Variants in PRDM6 observed in about 807,000 individuals in gnomAD.
PRDM6 encodes putative histone-lysine N-methyltransferase PRDM6.
A neutral mutation model predicts 60.8 loss-of-function variants in PRDM6; 25 were observed. The ratio of observed to expected loss-of-function variants is 0.41; its 90% CI spans 0.30 to 0.57. PRDM6 has a LOEUF of 0.57. Among genes scored for constraint, PRDM6 ranks in the 20% least tolerant of loss-of-function variants. The probability of loss-of-function intolerance (pLI) is 0.27; values close to 1 mark genes in which losing one functional copy is unlikely to be tolerated. For synonymous variants in PRDM6, 407 were observed against 357.4 expected (o/e 1.14, Z -1.57); for missense variants, 839 against 821.3 (o/e 1.02, Z -0.26).
intron 3 of PRDM6, among the ~76,000 whole-genome samples, chr5:123,139,300 G>T (rs912012092): frequency 1.3e-5 from 2 of 151,962 alleles, no homozygotes; most frequent in African/African-American, 2.4e-5. Flanking sequence ...ACAAGAAAAA[G>T]AATTTATTAT....
At chr5:123,169,274 G>T (rs1387890546) in intron 5 of PRDM6, among the ~76,000 whole-genome samples, 1 of 152,116 alleles carries the variant, frequency 6.6e-6, no homozygotes, top group African/African-American at 2.4e-5. Context: ...CCTATGAAAT[G>T]ACCAGCAAAT....
At chr5:123,113,204 T>C (rs1764357243) in intron 3 of PRDM6, among the ~76,000 whole-genome samples, 1 of 152,224 alleles carries the variant, frequency 6.6e-6, no homozygotes, top group East Asian at 1.9e-4. Context: ...GTCCAGCGTT[T>C]ACATTATGGT....
At chr5:123,182,786 C>T (rs576271892) in intron 7 of PRDM6, among the ~76,000 whole-genome samples, 1 of 152,174 alleles carries the variant, frequency 6.6e-6, no homozygotes, top group Admixed American at 6.5e-5. Context: ...TCTGTTCCTA[C>T]TTTTATCTAG....
chr5:123,099,638 T>C lies in PRDM6; in HGVS notation c.593-16T>C, dbSNP rs1203915427. The C allele has an allele frequency of 3.5e-6, 5 of 1,446,388 alleles. No individual in the cohort carries two copies. The East Asian group carries it at 1.1e-4, about 30-fold the overall frequency. 89.6% of individuals were successfully genotyped at this position (1,446,388 alleles called of 1,614,324 possible). A position where few individuals can be genotyped will look rare whatever the true frequency, so the allele number is the denominator to read the frequency against. On this transcript the variant is annotated splice_polypyrimidine_tract_variant and intron_variant, in intron 2 of 7. Transcript: ENST00000407847. This position sits in a 1 kb window ranked among gnomAD's most constrained non-coding sequence, Gnocchi z 4.0. ...TTAACCCGCTCCCTTCCCTTCCTCC[T>C]TCTTGTCTCCCGCAGGTTGCGACAT...
chr5:123,117,724 G>A (rs457807), intron 3 of PRDM6, among the ~76,000 whole-genome samples: 143,155 of 152,290 alleles, frequency 0.94, 67,291 homozygotes, highest in East Asian at 0.99. Context: ...GCAAAGAGCA[G>A]CCACGGAGTG....
chr5:123,117,333 T>G (rs1433354574), intron 3 of PRDM6, among the ~76,000 whole-genome samples: 1 of 152,134 alleles, frequency 6.6e-6, no homozygotes, highest in Non-Finnish European at 1.5e-5. Context: ...CTAGGGAGCT[T>G]ATGGCTAAAG....
At chr5:123,170,606 G>C (rs927733554) in intron 5 of PRDM6, among the ~76,000 whole-genome samples, 160 bp from the exon 6 acceptor site, 1 of 152,214 alleles carries the variant, frequency 6.6e-6, no homozygotes, top group Non-Finnish European at 1.5e-5. Context: ...TGTGATAATA[G>C]TTTTTTCCCC....
At chr5:123,167,093 A>C (rs72787562) in intron 5 of PRDM6, among the ~76,000 whole-genome samples, 1 of 151,996 alleles carries the variant, frequency 6.6e-6, no homozygotes, top group Admixed American at 6.6e-5. Flanking sequence ...ATATTTAGGA[A>C]GAATAATCTT....
intron 3 of PRDM6, among the ~76,000 whole-genome samples, chr5:123,148,581 G>C (rs2126867231): frequency 6.7e-6 from 1 of 149,552 alleles, no homozygotes; most frequent in South Asian, 2.1e-4. Flanking sequence ...CATATTCACG[G>C]TCTTATGCAT....
At chr5:123,110,803 G>C (rs1764295973) in intron 3 of PRDM6, among the ~76,000 whole-genome samples, 1 of 151,954 alleles carries the variant, frequency 6.6e-6, no homozygotes, top group Non-Finnish European at 1.5e-5. Context: ...CGACCTCAGT[G>C]ATCTGCCCGC....
At chr5:123,144,753 G>A (rs965339586) in intron 3 of PRDM6, among the ~76,000 whole-genome samples, 3 of 152,080 alleles carry the variant, frequency 2.0e-5, no homozygotes, top group Admixed American at 2.0e-4. Context: ...AACCATTTAG[G>A]CAAGGCATAC....
At chr5:123,161,236 A>G (rs1765623846) in intron 5 of PRDM6, among the ~76,000 whole-genome samples, 1 of 152,164 alleles carries the variant, frequency 6.6e-6, no homozygotes, top group Admixed American at 6.5e-5. Context: ...ACATTTATTC[A>G]TTCATTGTTC....
intron 5 of PRDM6, among the ~76,000 whole-genome samples, chr5:123,160,416 T>C (rs1765600626): frequency 6.6e-6 from 1 of 152,244 alleles, no homozygotes; most frequent in African/African-American, 2.4e-5. Context: ...CTGGTTTCAG[T>C]GATATTGTGT....
chr5:123,135,838 A>T (rs1764939674), intron 3 of PRDM6, among the ~76,000 whole-genome samples: 2 of 152,206 alleles, frequency 1.3e-5, no homozygotes, highest in Non-Finnish European at 2.9e-5. Context: ...TGATACACAA[A>T]TATTAAAATA....
rs117326528 is a variant in PRDM6 at position 123,164,178 on chromosome 5, A to G, written c.1153+4540A>G. Among the ~76,000 whole-genome samples the G allele has an allele frequency of 4.9e-4, 75 of 152,284 alleles. No homozygotes were observed. In the East Asian group the frequency reaches 0.013, roughly 26 times the overall value. On this transcript the variant is annotated intron_variant, in intron 5 of 7. Transcript: ENST00000407847. ...CAAGAGAACACATAAGCACATAACCACAATATCAAACACTGTGCAGATGCT... is the reference window on the plus strand; with the variant it reads ...CAAGAGAACACATAAGCACATAACCGCAATATCAAACACTGTGCAGATGCT...
chr5:123,147,107 C>T (rs970066411), intron 3 of PRDM6, among the ~76,000 whole-genome samples: 5 of 151,922 alleles, frequency 3.3e-5, no homozygotes, highest in East Asian at 1.9e-4. Flanking sequence ...AATAAGTTTT[C>T]GCAGGATCCA....
intron 3 of PRDM6, among the ~76,000 whole-genome samples, chr5:123,122,307 A>G (rs899866932): frequency 7.9e-5 from 12 of 152,186 alleles, no homozygotes; most frequent in African/African-American, 2.7e-4. Flanking sequence ...TGAGAACCTC[A>G]GTACAAAGGA....
intron 6 of PRDM6, among the ~76,000 whole-genome samples, chr5:123,178,123 G>T (rs560763454): frequency 9.3e-4 from 141 of 152,074 alleles, no homozygotes; most frequent in African/African-American, 3.1e-3. Context: ...TTACCACCGT[G>T]AACTATTAAC....
intron 3 of PRDM6, among the ~76,000 whole-genome samples, chr5:123,104,548 T>C (rs1333500974): frequency 6.6e-6 from 1 of 152,178 alleles, no homozygotes; most frequent in African/African-American, 2.4e-5. Context: ...GTCGCAGTTA[T>C]ATTGAAGTAA....
Sources: allele counts gnomAD v4.1 joint callset (sites outside exome capture counted in the v4.1 genomes callset), GRCh38; gene constraint gnomAD v4.1.1; non-coding constraint Gnocchi (gnomAD v3.1); transcripts MANE v1.5; gene names NCBI Gene and HGNC (gene_info 2026-07-23, HGNC 2026-07-21).